The following CNPPD1 variants were observed in gnomAD, a reference collection of about 807,000 sequenced individuals.
CNPPD1 encodes cyclin Pas1/PHO80 domain containing 1.
CNPPD1 carries 40 observed loss-of-function variants against 43.7 expected under a neutral mutation model. That is an observed-to-expected ratio of 0.92 (90% CI 0.71 to 1.19). The LOEUF is 1.19. CNPPD1 is among the 50% of genes most tolerant of loss of function. CNPPD1 has a pLI of 0.00. For synonymous variants in CNPPD1, 208 were observed against 214.3 expected (o/e 0.97, Z 0.26); for missense variants, 511 against 518.5 (o/e 0.99, Z 0.14).
chr2:219,176,960 C>T (rs1950180149), upstream of CNPPD1: 34 of 691,388 alleles, frequency 4.9e-5, no homozygotes, highest in South Asian at 6.5e-4. Flanking sequence ...CTCGCCCTCG[C>T]CCTCGCAGCT....
intron 2 of CNPPD1, 100 bp downstream of exon 2, chr2:219,176,123 G>A (rs576349083): frequency 9.5e-5 from 79 of 827,884 alleles, no homozygotes; most frequent in Middle Eastern, 6.9e-4. Context: ...TAGCAATGAA[G>A]AGACAGTGTA....
intron 2 of CNPPD1, 81 bp from the exon 3 acceptor site, chr2:219,175,753 C>T: frequency 8.3e-7 from 1 of 1,202,490 alleles, no homozygotes; most frequent in Non-Finnish European, 1.2e-6. Context: ...AGCAGAAGAC[C>T]CAGATCTGTA....
upstream of CNPPD1, chr2:219,176,956 C>G (rs957154658): frequency 5.5e-6 from 4 of 728,878 alleles, no homozygotes; most frequent in South Asian, 5.8e-5. Context: ...CGTCCTCGCC[C>G]TCGCCCTCGC....
chr2:219,175,195 T>C (rs934924397), intron 3 of CNPPD1, 87 bp from the exon 4 acceptor site: 6 of 1,467,278 alleles, frequency 4.1e-6, no homozygotes, highest in Admixed American at 2.4e-5. Flanking sequence ...CTTTACCTCT[T>C]ATCTTTGGAA....
Position 219,172,141 on chromosome 2 carries a change from C to T in CNPPD1, c.*445G>A. 1.1e-5 allele frequency: 2 copies of T among 179,226 alleles called. No homozygotes were observed. Among genetic ancestry groups the T allele is most frequent in the Non-Finnish European group, 2.4e-5 (2 of 83,070 alleles). The allele number at this position is 179,226 out of a possible 1,614,324, so 11.1% of individuals were successfully genotyped here. A position where few individuals can be genotyped will look rare whatever the true frequency, so the allele number is the denominator to read the frequency against. ...GAGTGAAAAGGGTTCCCTGCCTCAC[C>T]CAGCAGCTCCCACCTGAACCCATCA... is the stretch of plus-strand genomic sequence containing the variant. On this transcript the variant is annotated 3_prime_UTR_variant, in exon 8 of 8. Transcript: ENST00000360507.
chr2:219,174,221 G>A lies in CNPPD1; in HGVS notation c.511-14C>T, dbSNP rs751416710. The stretch of plus-strand genomic sequence containing the variant: ...GAGATGCCAATCCTGTGAGTACGGA[G>A]AGTGGACATCAAACCAGACTTGGAT... On this transcript the variant is annotated splice_polypyrimidine_tract_variant and intron_variant, in intron 5 of 7. Transcript: ENST00000360507. The A allele has an allele frequency of 9.3e-6, 15 of 1,613,846 alleles. No homozygotes were observed. The highest frequency in any genetic ancestry group is 1.3e-5 in the Non-Finnish European group (15 of 1,179,794).
chr2:219,175,274 G>A (rs7597160), intron 3 of CNPPD1, among the ~76,000 whole-genome samples, 166 bp from the exon 4 acceptor site: 5,231 of 152,234 alleles, frequency 0.034, 104 homozygotes, highest in African/African-American at 0.052. Context: ...ACCAAGGTGG[G>A]TGGACTGACA....
chr2:219,175,494 CAAA>C (rs368784782), intron 3 of CNPPD1, 94 bp downstream of exon 3: 844 of 944,738 alleles, frequency 8.9e-4, no homozygotes, highest in Non-Finnish European at 9.8e-4. Flanking sequence ...GAGACTGTCT[CAAA>C]AAAAAAAAAA....
At chr2:219,177,151 G>A (rs1950187177), upstream of CNPPD1, 1 of 273,468 alleles carries the variant, frequency 3.7e-6, no homozygotes, top group East Asian at 6.3e-5. Flanking sequence ...TACTCCGCCT[G>A]TGCCGCGTCC....
Position 219,174,215 on chromosome 2 carries a change from T to A in CNPPD1, c.511-8A>T. ...AGTGTAGAGATGCCAATCCTGTGAG[T>A]ACGGAGAGTGGACATCAAACCAGAC... On this transcript the variant is annotated splice_region_variant and splice_polypyrimidine_tract_variant and intron_variant, in intron 5 of 7. Transcript: ENST00000360507. The A allele has an allele frequency of 6.2e-7, 1 of 1,613,968 alleles. No homozygotes were observed. The highest frequency in any genetic ancestry group is 8.5e-7 in the Non-Finnish European group (1 of 1,179,910).
chr2:219,172,977 C>T lies in CNPPD1; in HGVS notation c.842G>A (p.Cys281Tyr). 1 of 1,613,942 alleles carries T rather than the reference C, an allele frequency of 6.2e-7. No homozygotes were observed. The highest frequency in any genetic ancestry group is 8.5e-7 in the Non-Finnish European group (1 of 1,179,968). Residue 281 changes from cysteine to tyrosine, a missense_variant, in exon 8 of 8, where the codon TGC becomes TAC. Cys to Tyr is a radical substitution (Grantham distance 194). Transcript: ENST00000360507. ...CAGGCATTGTGGCACAGAAGGTATG[C>T]AGGGCTCCAGGAGGCAACGGGAGGT... ...GLTSRCLLEP[C>Y]IPSVPQCLPS... is the part of the protein sequence containing the mutation.
At chr2:219,174,752 G>A in intron 5 of CNPPD1, 26 bp downstream of exon 5, 1 of 1,562,538 alleles carries the variant, frequency 6.4e-7, no homozygotes. Flanking sequence ...CAGGGAAACT[G>A]AGCAAGAGAG....
chr2:219,177,046 G>C, upstream of CNPPD1: 2 of 460,546 alleles, frequency 4.3e-6, no homozygotes, highest in South Asian at 3.9e-5. Context: ...GGCTTGGCGC[G>C]GCGCGCGGGG....
At position 219,175,552 on chromosome 2, in the gene CNPPD1, G is replaced by A. The variant is rs1196744599; in HGVS notation, c.260+39C>T. On this transcript the variant is annotated intron_variant, in intron 3 of 7. Transcript: ENST00000360507. ...AAAAGACGATTCCCCTTTCTCTAGGGCCCAAACACTCTCATCCTATCCTCA... is the reference window on the plus strand; with the variant it reads ...AAAAGACGATTCCCCTTTCTCTAGGACCCAAACACTCTCATCCTATCCTCA... The A allele has an allele frequency of 3.3e-6, 5 of 1,518,706 alleles. No individual in the cohort carries two copies. In the African/African-American group the frequency reaches 6.8e-5, roughly 21 times the overall value. 94.1% of individuals were successfully genotyped at this position (1,518,706 alleles called of 1,614,324 possible). A position where few individuals can be genotyped will look rare whatever the true frequency, so the allele number is the denominator to read the frequency against.
intron 2 of CNPPD1, 79 bp from the exon 3 acceptor site, chr2:219,175,751 A>T (rs1246802158): frequency 8.2e-7 from 1 of 1,218,824 alleles, no homozygotes; most frequent in Non-Finnish European, 1.2e-6. Context: ...CTAGCAGAAG[A>T]CCCAGATCTG....
chr2:219,176,092 T>C lies in CNPPD1; in HGVS notation c.178+131A>G, dbSNP rs1257988844. Reference sequence around the variant, plus strand: ...AGAATGGGAAATGCAAACTGCCCTCTTGAACCAAGTACCAACGAGCTAGCA... The same window carrying C: ...AGAATGGGAAATGCAAACTGCCCTCCTGAACCAAGTACCAACGAGCTAGCA... On this transcript the variant is annotated intron_variant, in intron 2 of 7. Coordinates refer to ENST00000360507, the MANE Select transcript of CNPPD1 (RefSeq NM_015680.6). The C allele has an allele frequency of 4.4e-6, 3 of 681,722 alleles. No individual in the cohort carries two copies. The African/African-American group carries it at 5.4e-5, about 12-fold the overall frequency. 42.2% of individuals were successfully genotyped at this position (681,722 alleles called of 1,614,324 possible).
rs750923338 is a variant in CNPPD1 at position 219,173,009 on chromosome 2, A to G, written c.810T>C (p.Leu270=). The change falls in exon 8 of 8, where the codon CTT becomes CTC. Residue 270 remains leucine, a synonymous_variant. Coordinates refer to ENST00000360507, the MANE Select transcript of CNPPD1 (RefSeq NM_015680.6). ...CCAGGAGGCAACGGGAGGTCAGTCC[A>G]AGGTCAGGCGGCCCAGGTGTAGGGA... ...SCIPTPGPPD[L]GLTSRCLLEP... The G allele has an allele frequency of 4.3e-6, 7 of 1,613,782 alleles. No homozygotes were observed. In the Admixed American group the frequency reaches 8.3e-5, roughly 19 times the overall value.
In CNPPD1 at chr2:219,172,359, C is replaced by T. The variant is rs374093846; in HGVS notation, c.*227G>A. On this transcript the variant is annotated 3_prime_UTR_variant, in exon 8 of 8. Transcript: ENST00000360507. ...CTGGGACATGTCCCTGGTCACCAAG[C>T]GGAAGCTCTCCCTGGCGGCATCACT... is the stretch of plus-strand genomic sequence containing the variant. 419 of 585,140 alleles carry T rather than the reference C, an allele frequency of 7.2e-4. No individual in the cohort carries two copies. Among genetic ancestry groups the T allele is most frequent in the South Asian group, 1.5e-3 (74 of 49,334 alleles). 36.2% of individuals were successfully genotyped at this position (585,140 alleles called of 1,614,324 possible).
chr2:219,175,945 G>C (rs533936685), intron 2 of CNPPD1, among the ~76,000 whole-genome samples: 38 of 152,328 alleles, frequency 2.5e-4, no homozygotes, highest in African/African-American at 7.5e-4. Context: ...GCATAAACAT[G>C]CCTTGTTTAC....
Sources: gnomAD v4.1 joint callset for allele counts (sites outside exome capture counted in the v4.1 genomes callset) on GRCh38, gnomAD v4.1.1 for gene constraint, MANE v1.5 for transcripts, NCBI Gene and HGNC (gene_info 2026-07-23, HGNC 2026-07-21) for gene names.